Variants in PLXNC1 observed in about 807,000 individuals in gnomAD.
PLXNC1 encodes plexin C1.
In PLXNC1, 75 loss-of-function variants were observed where a neutral mutation model predicts 178.2. The observed-to-expected ratio is 0.42, with a 90% confidence interval of 0.35 to 0.51. PLXNC1 has a LOEUF of 0.51. Among genes scored for constraint, PLXNC1 ranks in the 20% least tolerant of loss-of-function variants. The pLI is 0.02. For synonymous variants in PLXNC1, 790 were observed against 779.9 expected (o/e 1.01, Z -0.22); for missense variants, 1,503 against 1,984.4 (o/e 0.76, Z 4.61).
chr12:94,157,194 C>T (rs1178083128), intron 1 of PLXNC1, among the ~76,000 whole-genome samples: 1 of 152,152 alleles, frequency 6.6e-6, no homozygotes, highest in African/African-American at 2.4e-5. Flanking sequence ...CCTGGTCCGA[C>T]TAGAAGAGGA....
At chr12:94,281,893 C>T (rs1006720319) in intron 22 of PLXNC1, 4 of 200,710 alleles carry the variant, frequency 2.0e-5, no homozygotes, top group South Asian at 7.6e-5. Context: ...CTGGGACCTT[C>T]GCACACTGAT....
chr12:94,201,063 T>C (rs987704914), intron 4 of PLXNC1, among the ~76,000 whole-genome samples: 1 of 152,214 alleles, frequency 6.6e-6, no homozygotes. Context: ...CCAAGTCCTG[T>C]ACTAGGCCCT....
At chr12:94,192,898 T>C (rs1163529593) in intron 4 of PLXNC1, among the ~76,000 whole-genome samples, 2 of 152,078 alleles carry the variant, frequency 1.3e-5, no homozygotes, top group Admixed American at 6.6e-5. Flanking sequence ...TCCACTCTTA[T>C]CAATAAGTAA....
At chr12:94,194,766 A>G (rs1962855296) in intron 4 of PLXNC1, among the ~76,000 whole-genome samples, 1 of 152,156 alleles carries the variant, frequency 6.6e-6, no homozygotes, top group Non-Finnish European at 1.5e-5. Flanking sequence ...TAATAATAGT[A>G]ATAGTACCTG....
chr12:94,189,567 C>A (rs2135972795), intron 4 of PLXNC1, among the ~76,000 whole-genome samples: 1 of 152,064 alleles, frequency 6.6e-6, no homozygotes, highest in South Asian at 2.1e-4. Flanking sequence ...CTGGTCCCAG[C>A]TACTCGGGAG....
At chr12:94,252,220 A>G (rs964423735) in intron 15 of PLXNC1, among the ~76,000 whole-genome samples, 1 of 152,094 alleles carries the variant, frequency 6.6e-6, no homozygotes, top group African/African-American at 2.4e-5. Context: ...CCCACCACCC[A>G]TCACCCCAGC....
intron 1 of PLXNC1, among the ~76,000 whole-genome samples, chr12:94,159,797 G>C (rs1458374259): frequency 6.6e-6 from 1 of 152,218 alleles, no homozygotes; most frequent in Admixed American, 6.5e-5. Flanking sequence ...ACCTGCAGGA[G>C]GCTCTTGCAG....
intron 6 of PLXNC1, among the ~76,000 whole-genome samples, chr12:94,223,523 C>G (rs1362321480): frequency 6.6e-6 from 1 of 152,182 alleles, no homozygotes; most frequent in Non-Finnish European, 1.5e-5. Context: ...TTGTAAATTT[C>G]TCAGGTGATT....
intron 2 of PLXNC1, among the ~76,000 whole-genome samples, chr12:94,171,783 G>A (rs1228852421): frequency 2.0e-5 from 3 of 152,160 alleles, no homozygotes; most frequent in Non-Finnish European, 4.4e-5. Context: ...ATCTGACTGA[G>A]GAAATACCTC....
At chr12:94,175,356 C>A (rs565694607) in intron 2 of PLXNC1, among the ~76,000 whole-genome samples, 20 of 152,118 alleles carry the variant, frequency 1.3e-4, no homozygotes, top group Non-Finnish European at 2.5e-4. Flanking sequence ...TTTTGAACAC[C>A]CGTGGCTTTT....
At chr12:94,175,284 C>T (rs1208776885) in intron 2 of PLXNC1, among the ~76,000 whole-genome samples, 1 of 152,170 alleles carries the variant, frequency 6.6e-6, no homozygotes, top group African/African-American at 2.4e-5. Context: ...GTTTGCCCTT[C>T]AACTGGTTAG....
chr12:94,181,381 C>T (rs3794220), intron 2 of PLXNC1, 65 bp from the exon 3 acceptor site: 454,497 of 1,023,384 alleles, frequency 0.44, 103,671 homozygotes, highest in South Asian at 0.55. Context: ...AGCGAGATTC[C>T]GTCTCAAAAA....
intron 28 of PLXNC1, among the ~76,000 whole-genome samples, chr12:94,302,684 G>A (rs771006196): frequency 2.0e-5 from 3 of 152,152 alleles, no homozygotes; most frequent in Admixed American, 1.3e-4. Flanking sequence ...GAGGTTACAA[G>A]TCTTGCCTGA....
intron 22 of PLXNC1, 38 bp from the exon 23 acceptor site, chr12:94,282,260 T>A (rs1361914151): frequency 1.4e-6 from 2 of 1,427,830 alleles, no homozygotes; most frequent in Admixed American, 1.8e-5. Context: ...GGTGGCATTT[T>A]AAAACTCTCT....
In PLXNC1 at chr12:94,225,642, C is replaced by T. The variant is rs188648249; in HGVS notation, c.1791-963C>T. Among the ~76,000 whole-genome samples the T allele has an allele frequency of 4.5e-4, 69 of 152,304 alleles. 1 individual carries two copies. The East Asian group carries it at 0.013, about 28-fold the overall frequency. On this transcript the variant is annotated intron_variant, in intron 7 of 30. Coordinates refer to ENST00000258526, the MANE Select transcript of PLXNC1 (RefSeq NM_005761.3). ...AGGCCAGATGAAAGGAACCGACTAG[C>T]CCCAGGTCCCACAACTTGGTAATTA...
chr12:94,290,041 G>C (rs538997944), intron 23 of PLXNC1, among the ~76,000 whole-genome samples: 5 of 152,296 alleles, frequency 3.3e-5, no homozygotes, highest in Non-Finnish European at 7.4e-5. Context: ...TTATCAGAAG[G>C]CCCATCCGAG....
chr12:94,292,062 C>T (rs1251532952), intron 23 of PLXNC1, among the ~76,000 whole-genome samples: 1 of 152,088 alleles, frequency 6.6e-6, no homozygotes, highest in Admixed American at 6.5e-5. Flanking sequence ...TAATTCTTTC[C>T]TTTTATTGTA....
At chr12:94,234,417 T>G (rs531935465) in intron 9 of PLXNC1, among the ~76,000 whole-genome samples, 1 of 152,372 alleles carries the variant, frequency 6.6e-6, no homozygotes, top group Admixed American at 6.5e-5. Context: ...GGATCGGGTA[T>G]TCTATAAATC....
chr12:94,180,299 A>T (rs1225480071), intron 2 of PLXNC1, among the ~76,000 whole-genome samples: 1 of 152,226 alleles, frequency 6.6e-6, no homozygotes, highest in Admixed American at 6.5e-5. Context: ...GCTGCTTTTA[A>T]GAACATGTTT....
Sources: gnomAD v4.1 joint callset for allele counts (sites outside exome capture counted in the v4.1 genomes callset) on GRCh38, gnomAD v4.1.1 for gene constraint, MANE v1.5 for transcripts, NCBI Gene and HGNC (gene_info 2026-07-23, HGNC 2026-07-21) for gene names.